Variants in SNAI3 observed in about 807,000 individuals in gnomAD.
The protein encoded by SNAI3 is zinc finger protein SNAI3.
SNAI3 carries 21 observed loss-of-function variants against 16.4 expected under a neutral mutation model. The observed-to-expected ratio is 1.28, with a 90% CI of 0.91 to 1.85. The LOEUF (loss-of-function observed/expected upper bound fraction) is 1.85, where lower values mean the gene tolerates loss of function less well. Among genes scored for constraint, SNAI3 ranks in the 40% most tolerant of loss-of-function variants. The probability of loss-of-function intolerance (pLI) is 0.00; values close to 1 mark genes in which losing one functional copy is unlikely to be tolerated. For missense variants in SNAI3, 457 were observed against 372.8 expected, an observed-to-expected ratio of 1.23 and a Z score of -1.86; for synonymous variants, 202 against 166.6, an observed-to-expected ratio of 1.21 and a Z score of -1.64.
intron 1 of SNAI3, among the ~76,000 whole-genome samples, chr16:88,684,193 G>A (rs1909277536): frequency 6.6e-6 from 1 of 152,248 alleles, no homozygotes. Flanking sequence ...TGGGGAGACA[G>A]CACTGGGGGA....
Position 88,678,293 on chromosome 16 carries a change from G to C in SNAI3, c.*155C>G. The C allele has an allele frequency of 1.7e-6, 1 of 581,244 alleles. No individual in the cohort carries two copies. The highest frequency in any genetic ancestry group is 2.9e-5 in the East Asian group (1 of 34,216). The allele number at this position is 581,244 out of a possible 1,614,324, so 36.0% of individuals were successfully genotyped here. A position where few individuals can be genotyped will look rare whatever the true frequency, so the allele number is the denominator to read the frequency against. Reference sequence around the variant, plus strand: ...TCCTCCGGCCCAGTGGCCCCCGCTGGACTTCTTTGGTTCTGATTGGACGCA... The same window carrying C: ...TCCTCCGGCCCAGTGGCCCCCGCTGCACTTCTTTGGTTCTGATTGGACGCA... On this transcript the variant is annotated 3_prime_UTR_variant, in exon 3 of 3. Transcript: ENST00000332281.
At position 88,681,383 on chromosome 16, in the gene SNAI3, C is replaced by G. The variant is rs778361167; in HGVS notation, c.408G>C (p.Pro136=). ...TCCGCTCAGCCCCAAGCAGTTTTTC[C>G]GGAGCCCCGTGCCGGTCTGGGCCCA... is the stretch of plus-strand genomic sequence containing the variant. The part of the protein sequence containing the change: ...PTLGPDRHGA[P]EKLLGAERMP... Residue 136 remains proline (P), a synonymous_variant, in exon 2 of 3, where the codon CCG becomes CCC. Coordinates refer to ENST00000332281, the MANE Select transcript of SNAI3 (RefSeq NM_178310.4). This position sits in a 1 kb window ranked among gnomAD's most constrained non-coding sequence, Gnocchi z 5.4. The G allele has an allele frequency of 3.1e-6, 5 of 1,612,398 alleles. No homozygotes were observed. The African/African-American group carries it at 6.7e-5, about 22-fold the overall frequency.
At position 88,682,762 on chromosome 16, in the gene SNAI3, A is replaced by ATTTTTTTTTTTTTTTTTTTTT. The variant is rs71158747; in HGVS notation, c.77-1069_77-1049dup. On this transcript the variant is annotated intron_variant, in intron 1 of 2. Transcript: ENST00000332281. ...AATACAATTTTAATATGGGCAAGGGATTTTTTTTTTTTTTTTTTTTTTTTT... is the reference window on the plus strand; with the variant it reads ...AATACAATTTTAATATGGGCAAGGGATTTTTTTTTTTTTTTTTTTTTTTTTTTTTTTTTTTTTTTTTTTTTT... Among the ~76,000 whole-genome samples the ATTTTTTTTTTTTTTTTTTTTT allele has an allele frequency of 7.1e-4, 43 of 60,698 alleles. 8 individuals carry two copies. Among genetic ancestry groups the ATTTTTTTTTTTTTTTTTTTTT allele is most frequent in the East Asian group, 2.0e-3 (2 of 978 alleles). The allele number at this position is 60,698 out of a possible 152,430, so 39.8% of individuals were successfully genotyped here. A position where few individuals can be genotyped will look rare whatever the true frequency, so the allele number is the denominator to read the frequency against.
intron 1 of SNAI3, among the ~76,000 whole-genome samples, chr16:88,682,412 TG>T (rs1390309216): frequency 6.6e-6 from 1 of 152,226 alleles, no homozygotes; most frequent in African/African-American, 2.4e-5. Flanking sequence ...TTCCTCTATC[TG>T]GGGGCTGGCA....
In SNAI3 at chr16:88,681,497, G is replaced by C; in HGVS notation, c.294C>G (p.Ser98Arg). The change falls in exon 2 of 3, where the codon AGC becomes AGG. Residue 98 changes from serine (S) to arginine (R), a missense_variant. By Grantham distance (110) the Ser-to-Arg change is moderately radical (BLOSUM62 -1). Transcript: ENST00000332281. This position sits in a 1 kb window ranked among gnomAD's most constrained non-coding sequence, Gnocchi z 5.4. Reference sequence around the variant, plus strand: ...CTTTGAGGGGTACAATGGCGGCCCGGCTGGCCCGAGGGTCGACCTCGCTGA... The same window carrying C: ...CTTTGAGGGGTACAATGGCGGCCCGCCTGGCCCGAGGGTCGACCTCGCTGA... ...LEVSEVDPRA[S>R]RAAIVPLKDS... 1 of 1,552,288 alleles carries C rather than the reference G, an allele frequency of 6.4e-7. No individual in the cohort carries two copies. The highest frequency in any genetic ancestry group is 8.7e-7 in the Non-Finnish European group (1 of 1,143,446).
rs754980256 is a variant in SNAI3 at position 88,686,401 on chromosome 16, C to G, written c.6G>C (p.Pro2=). 4 of 1,610,668 alleles carry G rather than the reference C, an allele frequency of 2.5e-6. No homozygotes were observed. The highest frequency in any genetic ancestry group is 1.3e-5 in the African/African-American group (1 of 74,898). M[P]RSFLVKTHSS... The stretch of plus-strand genomic sequence containing the variant: ...AGTGCGTTTTCACCAGGAAGGAGCG[C>G]GGCATGTTCCCCTCCCGGGCGGCAG... Residue 2 remains proline, a synonymous_variant, in exon 1 of 3, where the codon CCG becomes CCC. Transcript: ENST00000332281.
At chr16:88,678,941 G>A (rs1909069109) in intron 2 of SNAI3, 1 of 985,304 alleles carries the variant, frequency 1.0e-6, no homozygotes, top group South Asian at 4.7e-5. Flanking sequence ...TCACAGGCAA[G>A]TGGGGGGGTC....
Position 88,681,727 on chromosome 16 carries a change from AG to A in SNAI3, c.77-14del. On this transcript the variant is annotated splice_polypyrimidine_tract_variant and intron_variant, in intron 1 of 2. Coordinates refer to ENST00000332281, the MANE Select transcript of SNAI3 (RefSeq NM_178310.4). The surrounding 1 kb of genome is among the most constrained non-coding windows in gnomAD (Gnocchi z 5.4). ...GCACCATTGATTTCTAGAGGGGTGG[AG>A]GGGAGAGAATAGAAAGATGAAGACT... 1 of 1,424,680 alleles carries A rather than the reference AG, an allele frequency of 7.0e-7. No individual in the cohort carries two copies. The allele number at this position is 1,424,680 out of a possible 1,614,324, so 88.3% of individuals were successfully genotyped here. A position where few individuals can be genotyped will look rare whatever the true frequency, so the allele number is the denominator to read the frequency against.
At position 88,678,288 on chromosome 16, in the gene SNAI3, C is replaced by T. The variant is rs537610163; in HGVS notation, c.*160G>A. 22 of 580,592 alleles carry T rather than the reference C, an allele frequency of 3.8e-5. No individual in the cohort carries two copies. Among genetic ancestry groups the T allele is most frequent in the Admixed American group, 1.5e-4 (5 of 32,270 alleles). The allele number at this position is 580,592 out of a possible 1,614,324, so 36.0% of individuals were successfully genotyped here. A position where few individuals can be genotyped will look rare whatever the true frequency, so the allele number is the denominator to read the frequency against. The stretch of plus-strand genomic sequence containing the variant: ...GAGTGTCCTCCGGCCCAGTGGCCCC[C>T]GCTGGACTTCTTTGGTTCTGATTGG... On this transcript the variant is annotated 3_prime_UTR_variant, in exon 3 of 3. Coordinates refer to ENST00000332281, the MANE Select transcript of SNAI3 (RefSeq NM_178310.4).
Position 88,681,142 on chromosome 16 carries a change from C to G in SNAI3, c.649G>C (p.Ala217Pro), listed in dbSNP as rs1350468400. 1 of 1,613,816 alleles carries G rather than the reference C, an allele frequency of 6.2e-7. No individual in the cohort carries two copies. The highest frequency in any genetic ancestry group is 8.5e-7 in the Non-Finnish European group (1 of 1,180,018). ...LPCTCKICGK[A>P]FSRPWLLQGH... ...TGCAGTAACCAGGGCCTGGAGAAGGCCTTGCCACAGATCTTGCAGGTGCAG... is the reference window on the plus strand; with the variant it reads ...TGCAGTAACCAGGGCCTGGAGAAGGGCTTGCCACAGATCTTGCAGGTGCAG... The change falls in exon 2 of 3, where the codon GCC (alanine) becomes CCC (proline). Residue 217 changes from alanine to proline, a missense_variant. Ala to Pro is a conservative substitution (Grantham distance 27). Transcript: ENST00000332281. The surrounding 1 kb of genome is among the most constrained non-coding windows in gnomAD (Gnocchi z 5.4).
Position 88,686,431 on chromosome 16 carries a change from G to C in SNAI3, c.-25C>G. The stretch of plus-strand genomic sequence containing the variant: ...TGTTCCCCTCCCGGGCGGCAGGCCG[G>C]GGTGGGCTGGGGCGGGAGGGGCGCG... On this transcript the variant is annotated 5_prime_UTR_variant, in exon 1 of 3. Coordinates refer to ENST00000332281, the MANE Select transcript of SNAI3 (RefSeq NM_178310.4). 6.2e-7 allele frequency: 1 copy of C among 1,604,606 alleles called. No individual in the cohort carries two copies.
chr16:88,681,349 C>T lies in SNAI3; in HGVS notation c.442G>A (p.Ala148Thr). 6.2e-7 allele frequency: 1 copy of T among 1,612,894 alleles called. No homozygotes were observed. Among genetic ancestry groups the T allele is most frequent in the Non-Finnish European group, 8.5e-7 (1 of 1,179,712 alleles). ...KLLGAERMPR[A>T]PGGFECFHCH... ...TGGAAGCACTCAAAGCCGCCCGGGG[C>T]TCGGGGCATCCGCTCAGCCCCAAGC... is the stretch of plus-strand genomic sequence containing the variant. Residue 148 changes from alanine (A) to threonine (T), a missense_variant, in exon 2 of 3, where the codon GCC becomes ACC. Ala to Thr is a moderately conservative substitution (Grantham distance 58). Coordinates refer to ENST00000332281, the MANE Select transcript of SNAI3 (RefSeq NM_178310.4). The surrounding 1 kb of genome is among the most constrained non-coding windows in gnomAD (Gnocchi z 5.4).
At chr16:88,683,264 T>C (rs1909242780) in intron 1 of SNAI3, among the ~76,000 whole-genome samples, 2 of 151,734 alleles carry the variant, frequency 1.3e-5, no homozygotes, top group African/African-American at 4.8e-5. Context: ...GGCTAATTTT[T>C]TTTTTCCCCC....
chr16:88,680,823 T>C (rs1909139487), intron 2 of SNAI3, among the ~76,000 whole-genome samples: 1 of 152,142 alleles, frequency 6.6e-6, no homozygotes, highest in Admixed American at 6.5e-5. Context: ...CCTGAACCCC[T>C]GGCTTGAAGT....
rs748798353 is a variant in SNAI3, at chr16:88,678,476, TCATGCCGCGCCAGGAGGGA to T, written c.832_850del (p.Ser278ArgfsTer149). On this transcript the variant is annotated frameshift_variant, in exon 3 of 3. Coordinates refer to ENST00000332281, the MANE Select transcript of SNAI3 (RefSeq NM_178310.4). LOFTEE classifies it high-confidence loss of function. The stretch of plus-strand genomic sequence containing the variant: ...GGGGCCCGGGCAGCAGCCAGACTCC[TCATGCCGCGCCAGGAGGGA>T]CATGCGGGAGAAGGTCTTGGTGCAG... 6 of 777,118 alleles carry T rather than the reference TCATGCCGCGCCAGGAGGGA, an allele frequency of 7.7e-6. No individual in the cohort carries two copies. The highest frequency in any genetic ancestry group is 9.5e-6 in the Non-Finnish European group (4 of 420,348). The allele number at this position is 777,118 out of a possible 1,614,324, so 48.1% of individuals were successfully genotyped here.
chr16:88,678,181 A>C lies in SNAI3; in HGVS notation c.*267T>G. 3 of 392,460 alleles carry C rather than the reference A, an allele frequency of 7.6e-6. No homozygotes were observed. Among genetic ancestry groups the C allele is most frequent in the Non-Finnish European group, 1.4e-5 (3 of 217,064 alleles). 24.3% of individuals were successfully genotyped at this position (392,460 alleles called of 1,614,324 possible). ...GGAGACCTGGCCGTGTCGAAATGGA[A>C]CCATGGCTCTTGTTCTGATGAAAGC... On this transcript the variant is annotated 3_prime_UTR_variant, in exon 3 of 3. Transcript: ENST00000332281.
At chr16:88,680,551 C>A (rs1041455422) in intron 2 of SNAI3, among the ~76,000 whole-genome samples, 48 of 152,136 alleles carry the variant, frequency 3.2e-4, no homozygotes, top group African/African-American at 1.1e-3. Flanking sequence ...TCCTAAAATG[C>A]TGGGATTATA....
rs778727105 is a variant in SNAI3 at position 88,686,343 on chromosome 16, C to G, written c.64G>C (p.Glu22Gln). 24 of 1,611,426 alleles carry G rather than the reference C, an allele frequency of 1.5e-5. No individual in the cohort carries two copies. The East Asian group carries it at 4.0e-4, about 27-fold the overall frequency. ...SHRVPNYRRL[E>Q]TQREINGACS... ...GGGTAGTCAGTACCTCTCTGCGTCT[C>G]CAGCCGCCGGTAGTTGGGGACCCTG... Residue 22 changes from glutamate (E) to glutamine (Q), a missense_variant, in exon 1 of 3, where the codon GAG (glutamate) becomes CAG (glutamine). Coordinates refer to ENST00000332281, the MANE Select transcript of SNAI3 (RefSeq NM_178310.4).
rs1388727639 is a variant in SNAI3, at chr16:88,686,482, C to G, written c.-76G>C. The G allele has an allele frequency of 2.6e-6, 4 of 1,566,562 alleles. No homozygotes were observed. The highest frequency in any genetic ancestry group is 3.4e-6 in the Non-Finnish European group (4 of 1,162,736). On this transcript the variant is annotated 5_prime_UTR_variant, in exon 1 of 3. Coordinates refer to ENST00000332281, the MANE Select transcript of SNAI3 (RefSeq NM_178310.4). ...CCTGGGTCCGGACTGCTGCGTCCGCCGGCGCTTGAAGGGGTCAGGCTCATT... is the reference window on the plus strand; with the variant it reads ...CCTGGGTCCGGACTGCTGCGTCCGCGGGCGCTTGAAGGGGTCAGGCTCATT...
Sources: allele counts gnomAD v4.1 joint callset (sites outside exome capture counted in the v4.1 genomes callset), GRCh38; gene constraint gnomAD v4.1.1; non-coding constraint Gnocchi (gnomAD v3.1); transcripts MANE v1.5; gene names NCBI Gene and HGNC (gene_info 2026-07-23, HGNC 2026-07-21).